The following ZNF638 variants were observed in gnomAD, a reference collection of about 807,000 sequenced individuals.
The protein encoded by ZNF638 is zinc finger protein 638, also known as CTCL tumor antigen se33-1.
In ZNF638, 46 loss-of-function variants were observed where a neutral mutation model predicts 195.6. The ratio of observed to expected loss-of-function variants is 0.24; its 90% CI spans 0.19 to 0.30. The LOEUF (loss-of-function observed/expected upper bound fraction) is 0.30. Among genes scored for constraint, ZNF638 ranks in the 10% least tolerant of loss-of-function variants. The pLI is 1.00. For synonymous variants in ZNF638, 845 were observed against 772.0 expected, an observed-to-expected ratio of 1.09 and a Z score of -1.57; for missense variants, 2,440 against 2,325.3, an observed-to-expected ratio of 1.05 and a Z score of -1.01.
At chr2:71,374,004 T>C (rs750698866) in intron 8 of ZNF638, 4 of 152,152 alleles carry the variant, frequency 2.6e-5, no homozygotes, top group Non-Finnish European at 5.9e-5. Context: ...TAATTTATTT[T>C]TTGTAGATAT....
In ZNF638 at chr2:71,348,890, C is replaced by T; in HGVS notation, c.-65C>T. The T allele has an allele frequency of 1.2e-6, 2 of 1,613,792 alleles. No homozygotes were observed. Among genetic ancestry groups the T allele is most frequent in the Non-Finnish European group, 1.7e-6 (2 of 1,179,964 alleles). On this transcript the variant is annotated 5_prime_UTR_variant, in exon 2 of 28. Transcript: ENST00000264447. ...CAGTTGGCGCTTCAGCAGCTGAATGCCGTTGCCTCACATGGTTCAACACCA... is the reference window on the plus strand; with the variant it reads ...CAGTTGGCGCTTCAGCAGCTGAATGTCGTTGCCTCACATGGTTCAACACCA...
In ZNF638 at chr2:71,400,080, A is replaced by G. The variant is rs778861999; in HGVS notation, c.2588-32A>G. The stretch of plus-strand genomic sequence containing the variant: ...ATTAGTTTAATTATATTAGTGTTTT[A>G]CTAGACTATTAAAGCAGACTATTTC... On this transcript the variant is annotated intron_variant, in intron 13 of 27. Coordinates refer to ENST00000264447, the MANE Select transcript of ZNF638 (RefSeq NM_014497.5). 1.9e-5 allele frequency: 29 copies of G among 1,533,300 alleles called. No homozygotes were observed. In the South Asian group the frequency reaches 2.2e-4, roughly 12 times the overall value. 95.0% of individuals were successfully genotyped at this position (1,533,300 alleles called of 1,614,324 possible).
In ZNF638 at chr2:71,417,716, A is replaced by G. The variant is rs372430632; in HGVS notation, c.3262-886A>G. Among the ~76,000 whole-genome samples, 7 of 151,444 alleles carry G rather than the reference A, an allele frequency of 4.6e-5. No homozygotes were observed. In the South Asian group the frequency reaches 8.3e-4, roughly 18 times the overall value. ...CTCCTTAATGGAAAGCTGCTAGTAA[A>G]CACTCTCTGTAATTGGGACTTAAAA... On this transcript the variant is annotated intron_variant, in intron 20 of 27. Transcript: ENST00000264447.
At chr2:71,373,780 T>C (rs568278761) in intron 8 of ZNF638, among the ~76,000 whole-genome samples, 3 of 152,204 alleles carry the variant, frequency 2.0e-5, no homozygotes, top group African/African-American at 7.2e-5. Flanking sequence ...TTTTTTTCTT[T>C]ATTATTTTTA....
chr2:71,364,033 A>G lies in ZNF638; in HGVS notation c.1498A>G (p.Ser500Gly), dbSNP rs779459308. 9 of 1,614,212 alleles carry G rather than the reference A, an allele frequency of 5.6e-6. No individual in the cohort carries two copies. Among genetic ancestry groups the G allele is most frequent in the Non-Finnish European group, 6.8e-6 (8 of 1,180,028 alleles). The change falls in exon 5 of 28, where the codon AGC (serine) becomes GGC (glycine). Residue 500 changes from serine (S) to glycine (G), a missense_variant. Coordinates refer to ENST00000264447, the MANE Select transcript of ZNF638 (RefSeq NM_014497.5). ...SPSPRRSRRS[S>G]SSHRFRRSRS... The stretch of plus-strand genomic sequence containing the variant: ...CAGTCCTAGGCGTTCTAGAAGATCA[A>G]GCTCAAGTCACAGATTCCGTCGGTC...
intron 20 of ZNF638, chr2:71,418,253 CTTTTAAA>C: frequency 5.7e-6 from 1 of 175,770 alleles, no homozygotes; most frequent in Non-Finnish European, 1.2e-5. Context: ...TCTTAGAAGT[CTTTTAAA>C]ATAATTCCTC....
chr2:71,377,539 G>A (rs1289675944), intron 8 of ZNF638, among the ~76,000 whole-genome samples: 1 of 152,188 alleles, frequency 6.6e-6, no homozygotes, highest in Non-Finnish European at 1.5e-5. Context: ...TACGCAATCA[G>A]AATTTGGATG....
rs199964157 is a variant in ZNF638, at chr2:71,423,244, C to T, written c.3730C>T (p.Pro1244Ser). Residue 1244 changes from proline (P) to serine (S), a missense_variant, in exon 22 of 28, where the codon CCA becomes TCA. By Grantham distance (74) the Pro-to-Ser change is moderately conservative (BLOSUM62 -1). Transcript: ENST00000264447. Reference protein sequence around the residue: ...RNLKGILEESPSEAEDFISGI... With the variant: ...RNLKGILEESSSEAEDFISGI... The stretch of plus-strand genomic sequence containing the variant: ...CCTCAAAGGAATTCTAGAAGAATCT[C>T]CATCTGAAGCAGAAGATTTCATTTC... The T allele has an allele frequency of 2.2e-5, 36 of 1,613,930 alleles. No homozygotes were observed. Among genetic ancestry groups the T allele is most frequent in the Non-Finnish European group, 2.5e-5 (30 of 1,180,004 alleles).
At chr2:71,367,932 A>T (rs1328298044) in intron 6 of ZNF638, among the ~76,000 whole-genome samples, 1 of 152,130 alleles carries the variant, frequency 6.6e-6, no homozygotes, top group African/African-American at 2.4e-5. Context: ...TGCATTATAT[A>T]TGAATTTTTA....
At chr2:71,341,959 A>G (rs2078768706) in intron 1 of ZNF638, 1 of 152,182 alleles carries the variant, frequency 6.6e-6, no homozygotes, top group African/African-American at 2.4e-5. Flanking sequence ...CCTAATTCTT[A>G]GAGGTTTCTT....
intron 1 of ZNF638, among the ~76,000 whole-genome samples, chr2:71,344,220 T>C (rs1473361907): frequency 6.6e-6 from 1 of 152,224 alleles, no homozygotes; most frequent in Non-Finnish European, 1.5e-5. Flanking sequence ...TTTCCTATCT[T>C]TTTTGTATGG....
chr2:71,432,645 C>G (rs2080689807), intron 26 of ZNF638, among the ~76,000 whole-genome samples: 1 of 152,326 alleles, frequency 6.6e-6, no homozygotes, highest in East Asian at 1.9e-4. Context: ...CTGGCATTCC[C>G]TAGAGGTTCT....
At chr2:71,394,312 G>A (rs1050838577) in intron 10 of ZNF638, among the ~76,000 whole-genome samples, 2 of 152,088 alleles carry the variant, frequency 1.3e-5, no homozygotes, top group Non-Finnish European at 2.9e-5. Context: ...GACACTTAAT[G>A]GCATCTGGGA....
Position 71,388,720 on chromosome 2 carries a change from G to A in ZNF638, c.2378-7421G>A, listed in dbSNP as rs116626124. 7.5e-4 allele frequency: 888 copies of A among 1,187,136 alleles called. 4 individuals are homozygous for A. In the African/African-American group the frequency reaches 0.012, roughly 16 times the overall value. The allele number at this position is 1,187,136 out of a possible 1,614,324, so 73.5% of individuals were successfully genotyped here. A position where few individuals can be genotyped will look rare whatever the true frequency, so the allele number is the denominator to read the frequency against. Reference sequence around the variant, plus strand: ...AAAATGAAGGCGAAGAGACTGTGCAGTCAGTAAGTCATTGGTGCCCACTCG... The same window carrying A: ...AAAATGAAGGCGAAGAGACTGTGCAATCAGTAAGTCATTGGTGCCCACTCG... On this transcript the variant is annotated intron_variant, in intron 10 of 27. Coordinates refer to ENST00000264447, the MANE Select transcript of ZNF638 (RefSeq NM_014497.5).
intron 21 of ZNF638, among the ~76,000 whole-genome samples, chr2:71,419,834 G>A (rs2080387013): frequency 6.6e-6 from 1 of 151,762 alleles, no homozygotes; most frequent in Non-Finnish European, 1.5e-5. Context: ...ATAGCAGTTG[G>A]TCATTGTTCT....
chr2:71,347,732 A>AG (rs1173247561), intron 1 of ZNF638, among the ~76,000 whole-genome samples: 2 of 152,172 alleles, frequency 1.3e-5, no homozygotes, highest in Admixed American at 1.3e-4. Flanking sequence ...AGAGTGTTGA[A>AG]GGGGGTAGTA....
Position 71,332,744 on chromosome 2 carries a change from A to C in ZNF638, c.-203+869A>C, listed in dbSNP as rs375737140. On this transcript the variant is annotated intron_variant, in intron 1 of 27. Transcript: ENST00000264447. Reference sequence around the variant, plus strand: ...TTTGAGGTAATTGTTAATGAGGGATACTTCAGTATTACAAAATCATGGATT... The same window carrying C: ...TTTGAGGTAATTGTTAATGAGGGATCCTTCAGTATTACAAAATCATGGATT... The C allele has an allele frequency of 3.9e-5, 6 of 152,168 alleles. No homozygotes were observed. In the South Asian group the frequency reaches 8.3e-4, roughly 21 times the overall value. The allele number at this position is 152,168 out of a possible 1,614,324, so 9.4% of individuals were successfully genotyped here.
chr2:71,424,169 C>T (rs1179644937), intron 22 of ZNF638, 131 bp downstream of exon 22: 1 of 1,246,586 alleles, frequency 8.0e-7, no homozygotes, highest in Admixed American at 2.9e-5. Context: ...GCTCCCATTT[C>T]CTTTTCTTAA....
intron 8 of ZNF638, among the ~76,000 whole-genome samples, chr2:71,370,986 C>G (rs2079301434): frequency 6.6e-6 from 1 of 152,086 alleles, no homozygotes; most frequent in Non-Finnish European, 1.5e-5. Flanking sequence ...TGTTACCCTT[C>G]CCAGCCTCAT....
Sources: allele counts gnomAD v4.1 joint callset (sites outside exome capture counted in the v4.1 genomes callset), GRCh38; gene constraint gnomAD v4.1.1; transcripts MANE v1.5; gene names NCBI Gene and HGNC (gene_info 2026-07-23, HGNC 2026-07-21).